Variants in RAPGEF6 observed in about 807,000 individuals in gnomAD.
RAPGEF6 encodes the protein Rap guanine nucleotide exchange factor 6.
RAPGEF6 carries 56 observed loss-of-function variants against 171.4 expected under a neutral mutation model. The observed-to-expected ratio is 0.33, with a 90% CI of 0.26 to 0.41. RAPGEF6 has a LOEUF of 0.41. Ranked by LOEUF, RAPGEF6 falls within the 10% of genes least tolerant of loss-of-function variation. The pLI, the probability that RAPGEF6 is intolerant of heterozygous loss-of-function variation, is 1.00. For missense variants in RAPGEF6, 1,674 were observed against 1,921.4 expected (o/e 0.87, Z 2.41); for synonymous variants, 692 against 650.1 (o/e 1.06, Z -0.98).
At chr5:131,595,138 T>C (rs1456835073) in intron 3 of RAPGEF6, among the ~76,000 whole-genome samples, 1 of 152,146 alleles carries the variant, frequency 6.6e-6, no homozygotes, top group Admixed American at 6.5e-5. Flanking sequence ...TCATGTTGAA[T>C]TGTAATCCTC....
chr5:131,503,891 A>G (rs1285212667), intron 11 of RAPGEF6, among the ~76,000 whole-genome samples: 1 of 152,154 alleles, frequency 6.6e-6, no homozygotes, highest in African/African-American at 2.4e-5. Context: ...CAGATAAGAA[A>G]AGTGAGGTTC....
intron 6 of RAPGEF6, chr5:131,532,078 C>G (rs1759420738): frequency 2.3e-6 from 1 of 428,672 alleles, no homozygotes; most frequent in South Asian, 1.7e-5. Context: ...AAATCAATTG[C>G]TAAGAAAATA....
Position 131,504,644 on chromosome 5 carries a change from T to C in RAPGEF6, c.1236A>G (p.Lys412=), listed in dbSNP as rs761058905. The stretch of plus-strand genomic sequence containing the variant: ...CACCCACCTTGATCACAATGTGTCC[T>C]TTCCTGGTTCCACTCCGGTCTAGTT... ...HRELDRSGTR[K]GHIVIKATPE... Residue 412 remains lysine (K), a synonymous_variant, in exon 11 of 28, where the codon AAA becomes AAG. Coordinates refer to ENST00000509018, the MANE Select transcript of RAPGEF6 (RefSeq NM_016340.6). The C allele has an allele frequency of 2.5e-6, 4 of 1,609,378 alleles. No homozygotes were observed. The highest frequency in any genetic ancestry group is 3.4e-5 in the Admixed American group (2 of 58,756).
chr5:131,446,794 CTATTGCATGCTGATGTAAATGAGTTAAA>C, intron 21 of RAPGEF6, 91 bp from the exon 22 acceptor site: 1 of 1,135,100 alleles, frequency 8.8e-7, no homozygotes, highest in Non-Finnish European at 1.3e-6. Flanking sequence ...TCTGTTAATG[CTATTGCATGCTGATGTAAATGAGTTAAA>C]AGATGAAGAG....
chr5:131,503,722 C>A (rs745791672), intron 11 of RAPGEF6, among the ~76,000 whole-genome samples: 6 of 152,130 alleles, frequency 3.9e-5, no homozygotes, highest in Non-Finnish European at 7.4e-5. Context: ...ATATCCAAGT[C>A]TTTAAAGAGA....
At chr5:131,490,569 C>G (rs1756213125) in intron 14 of RAPGEF6, among the ~76,000 whole-genome samples, 1 of 151,960 alleles carries the variant, frequency 6.6e-6, no homozygotes, top group South Asian at 2.1e-4. Flanking sequence ...CCAAAGGTAC[C>G]TACAAAAGAA....
Position 131,464,176 on chromosome 5 carries a change from T to A in RAPGEF6, c.2345A>T (p.His782Leu). ...GGATGCACCGGTCAAACCAAATTCATGAACAGCATGAAAAACTACTTCTTT... is the reference window on the plus strand; with the variant it reads ...GGATGCACCGGTCAAACCAAATTCAAGAACAGCATGAAAAACTACTTCTTT... ...TAKEVVFHAV[H>L]EFGLTGASDT... The change falls in exon 18 of 28, where the codon CAT (histidine) becomes CTT (leucine). Residue 782 changes from histidine to leucine, a missense_variant. By Grantham distance (99) the His-to-Leu change is moderately conservative. Transcript: ENST00000509018. 1 of 1,613,986 alleles carries A rather than the reference T, an allele frequency of 6.2e-7. No homozygotes were observed. The highest frequency in any genetic ancestry group is 8.5e-7 in the Non-Finnish European group (1 of 1,179,900).
intron 7 of RAPGEF6, among the ~76,000 whole-genome samples, chr5:131,518,940 T>C (rs929750080): frequency 2.6e-5 from 4 of 152,186 alleles, no homozygotes; most frequent in African/African-American, 7.2e-5. Context: ...TTAAACTATA[T>C]GATTCCATTT....
rs764046544 is a variant in RAPGEF6 at position 131,603,362 on chromosome 5, ATT to A, written c.141-37_141-36del. 6.5e-6 allele frequency: 9 copies of A among 1,384,092 alleles called. No homozygotes were observed. The Admixed American group carries it at 6.6e-5, about 10-fold the overall frequency. The allele number at this position is 1,384,092 out of a possible 1,614,324, so 85.7% of individuals were successfully genotyped here. On this transcript the variant is annotated intron_variant, in intron 2 of 27. Transcript: ENST00000509018. ...AAAAAAATTGAAGATTTTATCTTACATTTTGTTTTTAAAATTGTTATAATTTG... is the reference window on the plus strand; with the variant it reads ...AAAAAAATTGAAGATTTTATCTTACATTGTTTTTAAAATTGTTATAATTTG...
At chr5:131,580,169 C>A (rs962276899) in intron 4 of RAPGEF6, among the ~76,000 whole-genome samples, 2 of 152,160 alleles carry the variant, frequency 1.3e-5, no homozygotes, top group Non-Finnish European at 2.9e-5. Flanking sequence ...AGGTCCCCAG[C>A]TCTGCCCCAT....
In RAPGEF6 at chr5:131,504,898, C is replaced by T. The variant is rs1367699541; in HGVS notation, c.1102-120G>A. 5.2e-6 allele frequency: 5 copies of T among 954,884 alleles called. No homozygotes were observed. The African/African-American group carries it at 6.8e-5, about 13-fold the overall frequency. 59.2% of individuals were successfully genotyped at this position (954,884 alleles called of 1,614,324 possible). On this transcript the variant is annotated intron_variant, in intron 10 of 27. Coordinates refer to ENST00000509018, the MANE Select transcript of RAPGEF6 (RefSeq NM_016340.6). ...GGCATTAGTTCTTTTTCACTTAATT[C>T]CTTTAATCTTTAACAAAAATCAAGG...
intron 4 of RAPGEF6, among the ~76,000 whole-genome samples, chr5:131,582,044 A>T (rs532093811): frequency 3.3e-5 from 5 of 152,136 alleles, no homozygotes; most frequent in South Asian, 2.1e-4. Flanking sequence ...TCCCAAACCT[A>T]TAAGAACCAA....
Position 131,635,154 on chromosome 5 carries a change from C to G in RAPGEF6, c.-124G>C. 1 of 1,029,996 alleles carries G rather than the reference C, an allele frequency of 9.7e-7. No individual in the cohort carries two copies. Among genetic ancestry groups the G allele is most frequent in the African/African-American group, 1.6e-5 (1 of 61,522 alleles). 63.8% of individuals were successfully genotyped at this position (1,029,996 alleles called of 1,614,324 possible). On this transcript the variant is annotated 5_prime_UTR_variant, in exon 1 of 28. Coordinates refer to ENST00000509018, the MANE Select transcript of RAPGEF6 (RefSeq NM_016340.6). ...AGGGAACTTCGCGCCGTAACAAGGT[C>G]CGAACTCTAGCAAACAACCCTTCGC... is the stretch of plus-strand genomic sequence containing the variant.
At chr5:131,460,036 C>A (rs908594165) in intron 19 of RAPGEF6, among the ~76,000 whole-genome samples, 2 of 152,220 alleles carry the variant, frequency 1.3e-5, no homozygotes, top group African/African-American at 4.8e-5. Flanking sequence ...TCTACCTGAA[C>A]ATGAAGTACA....
chr5:131,511,936 T>C (rs1757758480), intron 7 of RAPGEF6, among the ~76,000 whole-genome samples: 1 of 152,154 alleles, frequency 6.6e-6, no homozygotes, highest in Admixed American at 6.5e-5. Context: ...CACAATTAGA[T>C]CTGGAAGCAG....
chr5:131,464,516 A>ATG lies in RAPGEF6; in HGVS notation c.2240-237_2240-236dup, dbSNP rs1417666364. Among the ~76,000 whole-genome samples the ATG allele has an allele frequency of 7.2e-4, 110 of 152,086 alleles. 1 individual carries two copies. Among genetic ancestry groups the ATG allele is most frequent in the African/African-American group, 2.5e-3 (102 of 41,490 alleles). On this transcript the variant is annotated intron_variant, in intron 17 of 27. Coordinates refer to ENST00000509018, the MANE Select transcript of RAPGEF6 (RefSeq NM_016340.6). ...CAAAACTTGGGCTCATACTATATATATGGTTTGGAAGCCAGAATTTTTTCA... is the reference window on the plus strand; with the variant it reads ...CAAAACTTGGGCTCATACTATATATATGTGGTTTGGAAGCCAGAATTTTTTCA...
chr5:131,559,062 T>C (rs551261514), intron 5 of RAPGEF6, among the ~76,000 whole-genome samples: 80 of 152,280 alleles, frequency 5.3e-4, no homozygotes, highest in African/African-American at 1.7e-3. Context: ...GCAAAGCGGC[T>C]CACACCTGTT....
intron 5 of RAPGEF6, among the ~76,000 whole-genome samples, chr5:131,553,936 A>T (rs1022689596): frequency 2.6e-5 from 4 of 152,016 alleles, no homozygotes; most frequent in African/African-American, 9.7e-5. Context: ...AATGTCAAGA[A>T]GATGATAGAA....
chr5:131,443,130 CAG>C (rs1752487879), intron 22 of RAPGEF6, among the ~76,000 whole-genome samples: 1 of 152,012 alleles, frequency 6.6e-6, no homozygotes, highest in Admixed American at 6.6e-5. Context: ...TTTTAGTAGA[CAG>C]GGGTTTCTCC....
Sources: allele counts gnomAD v4.1 joint callset (sites outside exome capture counted in the v4.1 genomes callset), GRCh38; gene constraint gnomAD v4.1.1; transcripts MANE v1.5; gene names NCBI Gene and HGNC (gene_info 2026-07-23, HGNC 2026-07-21).